Variants in DTNB observed in about 807,000 individuals in gnomAD.
DTNB encodes dystrobrevin beta.
A neutral mutation model predicts 90.7 loss-of-function variants in DTNB; 63 were observed. The ratio of observed to expected loss-of-function variants is 0.69; its 90% CI spans 0.57 to 0.86. DTNB has a LOEUF of 0.86. DTNB is among the 40% of genes least tolerant of loss of function. The pLI is 0.00. For synonymous variants in DTNB, 277 were observed against 286.7 expected (o/e 0.97, Z 0.34); for missense variants, 744 against 807.1 (o/e 0.92, Z 0.95).
At chr2:25,583,624 C>T (rs2061899128) in intron 6 of DTNB, among the ~76,000 whole-genome samples, 1 of 151,928 alleles carries the variant, frequency 6.6e-6, no homozygotes, top group African/African-American at 2.4e-5. Context: ...CTGGTTCAAG[C>T]AATTCTTCTG....
At chr2:25,528,577 G>T (rs1024422849) in intron 9 of DTNB, among the ~76,000 whole-genome samples, 1 of 152,190 alleles carries the variant, frequency 6.6e-6, no homozygotes, top group Non-Finnish European at 1.5e-5. Flanking sequence ...ATTTAAGCAA[G>T]ATAACTACAT....
intron 16 of DTNB, among the ~76,000 whole-genome samples, chr2:25,415,080 C>T (rs1209963190): frequency 1.3e-5 from 2 of 152,126 alleles, no homozygotes; most frequent in African/African-American, 2.4e-5. Flanking sequence ...CAAAGCACCA[C>T]AAAAGTGGCT....
At chr2:25,515,327 C>T (rs142987091) in intron 9 of DTNB, among the ~76,000 whole-genome samples, 123 of 152,216 alleles carry the variant, frequency 8.1e-4, no homozygotes, top group African/African-American at 2.9e-3. Flanking sequence ...GATTAAAATA[C>T]CCAAAACAAT....
intron 1 of DTNB, among the ~76,000 whole-genome samples, chr2:25,671,563 T>C (rs1293482225): frequency 2.0e-5 from 3 of 152,174 alleles, no homozygotes; most frequent in Non-Finnish European, 4.4e-5. Context: ...ACGAAGAAAC[T>C]AAGGCCCTGA....
intron 8 of DTNB, among the ~76,000 whole-genome samples, chr2:25,550,308 G>A (rs1186015574): frequency 6.6e-6 from 1 of 152,004 alleles, no homozygotes; most frequent in Non-Finnish European, 1.5e-5. Flanking sequence ...AGAGAATGGC[G>A]TGAACCCGGG....
chr2:25,457,996 G>A (rs1488652105), intron 10 of DTNB, among the ~76,000 whole-genome samples: 1 of 151,884 alleles, frequency 6.6e-6, no homozygotes, highest in Non-Finnish European at 1.5e-5. Flanking sequence ...ACCATGCTCA[G>A]CTAATTTTTT....
chr2:25,600,859 A>G (rs2148455164), intron 5 of DTNB, among the ~76,000 whole-genome samples: 1 of 152,376 alleles, frequency 6.6e-6, no homozygotes, highest in South Asian at 2.1e-4. Flanking sequence ...ACTACGTCAT[A>G]TGAATAGATT....
chr2:25,431,867 C>A (rs2053966180), intron 14 of DTNB, among the ~76,000 whole-genome samples: 1 of 152,128 alleles, frequency 6.6e-6, no homozygotes, highest in Admixed American at 6.5e-5. Context: ...CAGAGCCACC[C>A]AAATCTCAGC....
chr2:25,408,666 T>C lies in DTNB; in HGVS notation c.1575+10849A>G, dbSNP rs149819555. Reference sequence around the variant, plus strand: ...AGGGCATCTATATTGCAGCTCCAAATGCATACTGCCAAAGTATGATTAGGA... The same window carrying C: ...AGGGCATCTATATTGCAGCTCCAAACGCATACTGCCAAAGTATGATTAGGA... On this transcript the variant is annotated intron_variant, in intron 16 of 20. Transcript: ENST00000406818. 9.5e-3 allele frequency among the ~76,000 whole-genome samples: 1,444 copies of C among 151,956 alleles called. 16 individuals are homozygous for C. The highest frequency in any genetic ancestry group is 0.012 in the Non-Finnish European group (842 of 68,006).
intron 16 of DTNB, among the ~76,000 whole-genome samples, chr2:25,398,317 G>A (rs561921098): frequency 3.3e-5 from 5 of 152,316 alleles, no homozygotes; most frequent in Non-Finnish European, 7.3e-5. Context: ...CAGAGCAGTT[G>A]AAAGAGAAAA....
At chr2:25,599,759 C>T (rs959659378) in intron 5 of DTNB, among the ~76,000 whole-genome samples, 4 of 152,100 alleles carry the variant, frequency 2.6e-5, no homozygotes, top group South Asian at 2.1e-4. Flanking sequence ...ATAAATGATG[C>T]TCTTCAAAGG....
chr2:25,493,305 G>A (rs991832840), intron 9 of DTNB, among the ~76,000 whole-genome samples: 2 of 151,912 alleles, frequency 1.3e-5, no homozygotes, highest in African/African-American at 4.8e-5. Context: ...TTAATATTTT[G>A]TAGCCAGCTA....
chr2:25,445,284 G>C (rs984466940), intron 12 of DTNB, among the ~76,000 whole-genome samples: 50 of 152,148 alleles, frequency 3.3e-4, no homozygotes, highest in Admixed American at 1.3e-4. Context: ...GCATGTCTGA[G>C]GTTTAACTAA....
At chr2:25,423,437 T>C (rs963525640) in intron 15 of DTNB, among the ~76,000 whole-genome samples, 1 of 152,222 alleles carries the variant, frequency 6.6e-6, no homozygotes, top group African/African-American at 2.4e-5. Context: ...TAAATTATCA[T>C]TTCAGATAGA....
intron 19 of DTNB, 120 bp downstream of exon 19, chr2:25,383,716 G>A (rs1041759083): frequency 1.2e-5 from 19 of 1,594,438 alleles, no homozygotes; most frequent in Middle Eastern, 1.8e-4. Context: ...CAGGGACCTC[G>A]GGTCCGAAAG....
At chr2:25,478,723 T>A (rs1003962588) in intron 10 of DTNB, among the ~76,000 whole-genome samples, 1 of 152,196 alleles carries the variant, frequency 6.6e-6, no homozygotes, top group African/African-American at 2.4e-5. Context: ...TCTGCTCTGA[T>A]GCCATAGGTC....
Position 25,661,791 on chromosome 2 carries a change from T to A in DTNB, c.-1-9130A>T, listed in dbSNP as rs977750072. 2.6e-5 allele frequency among the ~76,000 whole-genome samples: 4 copies of A among 152,246 alleles called. No individual in the cohort carries two copies. The South Asian group carries it at 8.3e-4, about 32-fold the overall frequency. Reference sequence around the variant, plus strand: ...CATTTATATTGGCAAAAATATGAGGTGACATGAATTCTCATATATTGCTGG... The same window carrying A: ...CATTTATATTGGCAAAAATATGAGGAGACATGAATTCTCATATATTGCTGG... On this transcript the variant is annotated intron_variant, in intron 1 of 20. Coordinates refer to ENST00000406818, the MANE Select transcript of DTNB (RefSeq NM_021907.5).
At chr2:25,526,391 A>ATTTTTTT (rs1312936429) in intron 9 of DTNB, among the ~76,000 whole-genome samples, 1 of 64,628 alleles carries the variant, frequency 1.5e-5, no homozygotes, top group African/African-American at 8.1e-5. Flanking sequence ...ATATATATAT[A>ATTTTTTT]TATATTTTTT....
At chr2:25,665,347 C>A (rs1429091908) in intron 1 of DTNB, among the ~76,000 whole-genome samples, 2 of 152,198 alleles carry the variant, frequency 1.3e-5, no homozygotes, top group Non-Finnish European at 2.9e-5. Flanking sequence ...CAGTGAGGGG[C>A]CAGGCGCGGT....
Sources: gnomAD v4.1 joint callset for allele counts (sites outside exome capture counted in the v4.1 genomes callset) on GRCh38, gnomAD v4.1.1 for gene constraint, MANE v1.5 for transcripts, NCBI Gene and HGNC (gene_info 2026-07-23, HGNC 2026-07-21) for gene names.